The following PCDHGA3 variants were observed in gnomAD, a reference collection of about 807,000 sequenced individuals.
PCDHGA3 encodes the protein protocadherin gamma-A3.
A neutral mutation model predicts 58.5 loss-of-function variants in PCDHGA3; 40 were observed. The ratio of observed to expected loss-of-function variants is 0.68; its 90% CI spans 0.53 to 0.89. PCDHGA3 has a LOEUF of 0.89. Among genes scored for constraint, PCDHGA3 ranks in the 40% least tolerant of loss-of-function variants. The pLI is 0.00. For missense variants in PCDHGA3, 1,223 were observed against 1,195.9 expected (o/e 1.02, Z -0.33); for synonymous variants, 530 against 525.7 (o/e 1.01, Z -0.11).
rs774745752 is a variant in PCDHGA3, at chr5:141,360,510, T to G, written c.2424+14053T>G. ...TCTACATAGCAGTAATTGTGCAGGATATAAATGATAATACCCCGCTATTCA... is the reference window on the plus strand; with the variant it reads ...TCTACATAGCAGTAATTGTGCAGGAGATAAATGATAATACCCCGCTATTCA... On this transcript the variant is annotated intron_variant, in intron 1 of 3. Transcript: ENST00000253812. 3 of 1,613,972 alleles carry G rather than the reference T, an allele frequency of 1.9e-6. No individual in the cohort carries two copies. The South Asian group carries it at 3.3e-5, about 18-fold the overall frequency.
intron 1 of PCDHGA3, chr5:141,384,274 G>T (rs1396743546): frequency 6.2e-7 from 1 of 1,613,704 alleles, no homozygotes; most frequent in East Asian, 2.2e-5. Flanking sequence ...ATCCTACTCA[G>T]TCTACATCGC....
intron 1 of PCDHGA3, among the ~76,000 whole-genome samples, chr5:141,447,285 A>G (rs143024915): frequency 0.046 from 7,013 of 152,060 alleles, 241 homozygotes; most frequent in African/African-American, 0.093. Context: ...GACTACAGGC[A>G]CATGCCACCA....
intron 3 of PCDHGA3, among the ~76,000 whole-genome samples, chr5:141,507,571 G>A (rs2099861692): frequency 6.6e-6 from 1 of 152,254 alleles, no homozygotes; most frequent in Non-Finnish European, 1.5e-5. Flanking sequence ...TGGGTCTGAG[G>A]AGATGCCAAG....
In PCDHGA3 at chr5:141,359,947, C is replaced by G. The variant is rs903366746; in HGVS notation, c.2424+13490C>G. The G allele has an allele frequency of 9.4e-6, 5 of 532,132 alleles. No homozygotes were observed. The African/African-American group carries it at 9.7e-5, about 10-fold the overall frequency. The allele number at this position is 532,132 out of a possible 1,614,324, so 33.0% of individuals were successfully genotyped here. ...AAAACCTCTGAGCGTCGCTGTTGGT[C>G]AAAAGAACGAAGAGAAGCGTTTGGG... On this transcript the variant is annotated intron_variant, in intron 1 of 3. Coordinates refer to ENST00000253812, the MANE Select transcript of PCDHGA3 (RefSeq NM_018916.4).
chr5:141,408,313 T>C, intron 1 of PCDHGA3: 1 of 1,613,758 alleles, frequency 6.2e-7, no homozygotes, highest in South Asian at 1.1e-5. Context: ...GCTACTCGAT[T>C]CCGGAGGAGC....
At chr5:141,372,726 C>G (rs748651265) in intron 1 of PCDHGA3, 2 of 1,613,836 alleles carry the variant, frequency 1.2e-6, no homozygotes, top group South Asian at 2.2e-5. Flanking sequence ...TGCTGCACCA[C>G]AAGATCTTCT....
At position 141,366,541 on chromosome 5, in the gene PCDHGA3, C is replaced by T. The variant is rs558446486; in HGVS notation, c.2424+20084C>T. 62 of 1,614,270 alleles carry T rather than the reference C, an allele frequency of 3.8e-5. No homozygotes were observed. In the South Asian group the frequency reaches 6.5e-4, roughly 17 times the overall value. ...GCAGCAGGTTGGCGGGTGTGCCCGC[C>T]TCGCACTTTGTGGGCGTGGATGGGG... On this transcript the variant is annotated intron_variant, in intron 1 of 3. Transcript: ENST00000253812.
chr5:141,345,178 T>C lies in PCDHGA3; in HGVS notation c.1145T>C (p.Val382Ala). 1 of 1,613,884 alleles carries C rather than the reference T, an allele frequency of 6.2e-7. No homozygotes were observed. Among genetic ancestry groups the C allele is most frequent in the South Asian group, 1.1e-5 (1 of 91,058 alleles). ...CGAGATTCTGGGCAGAATGGGCAGG[T>C]TGAAGTTTTTGTCCTGGGAAATCTG... ...HDRDSGQNGQ[V>A]EVFVLGNLPF... The change falls in exon 1 of 4, where the codon GTT (valine) becomes GCT (alanine). Residue 382 changes from valine to alanine, a missense_variant. Around this residue, in one of 3 missense-constraint regions of PCDHGA3, gnomAD observed 791 missense variants for 708.5 expected, o/e 1.12. Transcript: ENST00000253812.
At chr5:141,393,937 ACT>A in intron 1 of PCDHGA3, 3 of 1,613,906 alleles carry the variant, frequency 1.9e-6, no homozygotes, top group Non-Finnish European at 2.5e-6. Flanking sequence ...CATGACCAAG[ACT>A]CTGGAAAGAA....
Position 141,385,102 on chromosome 5 carries a change from G to A in PCDHGA3, c.2424+38645G>A, listed in dbSNP as rs370391349. On this transcript the variant is annotated intron_variant, in intron 1 of 3. Transcript: ENST00000253812. ...GGCTTCAGAAGGTGGCTTGGCGAAC[G>A]TGCCCACCTCGCACTTTGTGGGCAT... 6 of 1,614,174 alleles carry A rather than the reference G, an allele frequency of 3.7e-6. No homozygotes were observed. The East Asian group carries it at 6.7e-5, about 18-fold the overall frequency.
chr5:141,351,909 A>T, intron 1 of PCDHGA3: 1 of 1,613,304 alleles, frequency 6.2e-7, no homozygotes, highest in Non-Finnish European at 8.5e-7. Flanking sequence ...TTGGTGGGCG[A>T]CCTCAATGAC....
intron 1 of PCDHGA3, chr5:141,355,856 A>G: frequency 2.5e-6 from 4 of 1,612,380 alleles, no homozygotes; most frequent in Non-Finnish European, 2.5e-6. Flanking sequence ...GATGGAGGTG[A>G]CCCGGTTCGC....
intron 1 of PCDHGA3, among the ~76,000 whole-genome samples, chr5:141,458,065 GA>G (rs541812590): frequency 3.5e-3 from 534 of 152,242 alleles, no homozygotes; most frequent in Middle Eastern, 6.8e-3. Context: ...GCACTGATGC[GA>G]ACAACTATAT....
chr5:141,413,388 C>T (rs765673305), intron 1 of PCDHGA3: 39 of 1,614,012 alleles, frequency 2.4e-5, no homozygotes, highest in Non-Finnish European at 3.2e-5. Context: ...TCCGCATAGT[C>T]TCCAGAGGTA....
chr5:141,415,435 C>G, intron 1 of PCDHGA3: 1 of 1,614,202 alleles, frequency 6.2e-7, no homozygotes. Flanking sequence ...TCGGGCTTTC[C>G]TGCAGACCTA....
In PCDHGA3 at chr5:141,493,550, T is replaced by C. The variant is rs978188511; in HGVS notation, c.2425-1257T>C. On this transcript the variant is annotated intron_variant, in intron 1 of 3. Coordinates refer to ENST00000253812, the MANE Select transcript of PCDHGA3 (RefSeq NM_018916.4). This position sits in a 1 kb window ranked among gnomAD's most constrained non-coding sequence, Gnocchi z 4.3. Reference sequence around the variant, plus strand: ...ACTTGGCCAGTTATCCTTTTGGAGATTGAGTTCCCCCAGCTCCGTTTCCTC... The same window carrying C: ...ACTTGGCCAGTTATCCTTTTGGAGACTGAGTTCCCCCAGCTCCGTTTCCTC... Among the ~76,000 whole-genome samples the C allele has an allele frequency of 1.3e-5, 2 of 152,172 alleles. No homozygotes were observed. The highest frequency in any genetic ancestry group is 2.4e-5 in the African/African-American group (1 of 41,430).
At chr5:141,453,288 A>T (rs931678565) in intron 1 of PCDHGA3, among the ~76,000 whole-genome samples, 18 of 151,342 alleles carry the variant, frequency 1.2e-4, no homozygotes, top group Admixed American at 3.3e-4. Context: ...TAATTTTTTA[A>T]TTATTTATTT....
Position 141,489,267 on chromosome 5 carries a change from C to G in PCDHGA3, c.2425-5540C>G. 6.4e-7 allele frequency: 1 copy of G among 1,553,302 alleles called. No homozygotes were observed. Among genetic ancestry groups the G allele is most frequent in the Non-Finnish European group, 8.7e-7 (1 of 1,149,864 alleles). The stretch of plus-strand genomic sequence containing the variant: ...TGGGGCCCAAGACACTCCCACAGCT[C>G]GCTGGGAAATGGCAAGTGCTGTGCA... On this transcript the variant is annotated intron_variant, in intron 1 of 3. Coordinates refer to ENST00000253812, the MANE Select transcript of PCDHGA3 (RefSeq NM_018916.4). The surrounding 1 kb of genome is among the most constrained non-coding windows in gnomAD (Gnocchi z 4.5).
Position 141,432,530 on chromosome 5 carries a change from G to C in PCDHGA3, c.2425-62277G>C. On this transcript the variant is annotated intron_variant, in intron 1 of 3. Transcript: ENST00000253812. This position sits in a 1 kb window ranked among gnomAD's most constrained non-coding sequence, Gnocchi z 6.0. ...AGAGCCCGGCTACCTGGTGACCAAG[G>C]TGGTGGCGGTGGACAGAGACTCCGG... 6.2e-7 allele frequency: 1 copy of C among 1,614,076 alleles called. No homozygotes were observed. Among genetic ancestry groups the C allele is most frequent in the South Asian group, 1.1e-5 (1 of 91,082 alleles).
Sources: allele counts gnomAD v4.1 joint callset (sites outside exome capture counted in the v4.1 genomes callset), GRCh38; gene constraint gnomAD v4.1.1; regional missense constraint gnomAD v4.1.1; non-coding constraint Gnocchi (gnomAD v3.1); transcripts MANE v1.5; gene names NCBI Gene and HGNC (gene_info 2026-07-23, HGNC 2026-07-21).